The following RPS2 variants were observed in gnomAD, a reference collection of about 807,000 sequenced individuals.
The protein encoded by RPS2 is small ribosomal subunit protein uS5.
Under a neutral mutation model 25.3 loss-of-function variants are expected in RPS2, and 8 were observed. The observed-to-expected ratio is 0.32, with a 90% CI of 0.19 to 0.57. The LOEUF is 0.57. Ranked by LOEUF, RPS2 falls within the 20% of genes least tolerant of loss-of-function variation. RPS2 has a pLI of 0.90. For missense variants in RPS2, 229 were observed against 408.1 expected (o/e 0.56, Z 3.78); for synonymous variants, 181 against 161.3 (o/e 1.12, Z -0.92).
intron 3 of RPS2, 41 bp from the exon 4 acceptor site, chr16:1,963,297 A>C (rs1324230152): frequency 7.5e-7 from 1 of 1,331,030 alleles, no homozygotes; most frequent in East Asian, 2.5e-5. Context: ...CATTAAAAAA[A>C]AACTTAATAC....
chr16:1,964,636 A>G lies in RPS2; in HGVS notation c.-3-8T>C. 7.2e-7 allele frequency: 1 copy of G among 1,382,026 alleles called. No individual in the cohort carries two copies. The highest frequency in any genetic ancestry group is 1.4e-5 in the South Asian group (1 of 73,036). The allele number at this position is 1,382,026 out of a possible 1,614,324, so 85.6% of individuals were successfully genotyped here. A position where few individuals can be genotyped will look rare whatever the true frequency, so the allele number is the denominator to read the frequency against. The stretch of plus-strand genomic sequence containing the variant: ...GGCGTCATCCGCCATTTGCTGGGAA[A>G]AGCGACAAGAAGGAACTAGTCAGTG... On this transcript the variant is annotated splice_polypyrimidine_tract_variant and splice_region_variant and intron_variant, in intron 1 of 6. Transcript: ENST00000343262.
At chr16:1,962,957 C>T in intron 4 of RPS2, 48 bp from the exon 5 acceptor site, 1 of 1,584,224 alleles carries the variant, frequency 6.3e-7, no homozygotes, top group African/African-American at 1.3e-5. Flanking sequence ...CACCCAATCA[C>T]TGCCCACCGC....
In RPS2 at chr16:1,962,916, A is replaced by C; in HGVS notation, c.376-7T>G. The stretch of plus-strand genomic sequence containing the variant: ...CCCCGATAGCAACAAATGCCTGCGA[A>C]AAGATGTGTGTGAGGCAGCTGGTGG... On this transcript the variant is annotated splice_region_variant and splice_polypyrimidine_tract_variant and intron_variant, in intron 4 of 6. Coordinates refer to ENST00000343262, the MANE Select transcript of RPS2 (RefSeq NM_002952.4). 6.3e-7 allele frequency: 1 copy of C among 1,598,494 alleles called. No individual in the cohort carries two copies. Among genetic ancestry groups the C allele is most frequent in the Non-Finnish European group, 8.5e-7 (1 of 1,177,720 alleles).
In RPS2 at chr16:1,962,624, G is replaced by C; in HGVS notation, c.582C>G (p.Arg194=). ...CAGTGCCCCTGGGTGCAGGGATGAGGCGTACCAGCACAGAGCCGCAGCGGC... is the reference window on the plus strand; with the variant it reads ...CAGTGCCCCTGGGTGCAGGGATGAGCCGTACCAGCACAGAGCCGCAGCGGC... The part of the protein sequence containing the change: ...VTGRCGSVLV[R]LIPAPRGTGI... Residue 194 remains arginine (R), a synonymous_variant, in exon 6 of 7, where the codon CGC becomes CGG. Coordinates refer to ENST00000343262, the MANE Select transcript of RPS2 (RefSeq NM_002952.4). The C allele has an allele frequency of 3.1e-6, 5 of 1,608,494 alleles. No homozygotes were observed. Among genetic ancestry groups the C allele is most frequent in the Non-Finnish European group, 4.2e-6 (5 of 1,178,582 alleles).
intron 1 of RPS2, 24 bp from the exon 2 acceptor site, chr16:1,964,652 C>A (rs779334095): frequency 2.4e-6 from 3 of 1,267,002 alleles, no homozygotes; most frequent in Non-Finnish European, 2.2e-6. Flanking sequence ...CAAGAAGGAA[C>A]TAGTCAGTGT....
At position 1,964,586 on chromosome 16, in the gene RPS2, G is replaced by A; in HGVS notation, c.40C>T (p.Pro14Ser). 4 of 1,544,690 alleles carry A rather than the reference G, an allele frequency of 2.6e-6. No homozygotes were observed. Among genetic ancestry groups the A allele is most frequent in the Non-Finnish European group, 3.5e-6 (4 of 1,152,544 alleles). The change falls in exon 2 of 7, where the codon CCT (proline) becomes TCT (serine). Residue 14 changes from proline to serine, a missense_variant. Physicochemically the swap from Pro to Ser is moderately conservative, Grantham distance 74. Around this residue, in one of 7 missense-constraint regions of RPS2, gnomAD observed 27 missense variants for 26.4 expected, o/e 1.02. Coordinates refer to ENST00000343262, the MANE Select transcript of RPS2 (RefSeq NM_002952.4). ...CGGTTCCCCATCCCAGGGCCACCAG[G>A]GCCCCCGGGCCCCCCCGCTGCACCG... ...DAGAAGGPGG[P>S]GGPGMGNRGG...
chr16:1,963,691 G>C (rs1202884575), intron 3 of RPS2: 1 of 396,808 alleles, frequency 2.5e-6, no homozygotes, highest in East Asian at 7.4e-5. Context: ...TTTCGTTTTT[G>C]GAAGCTTGTA....
chr16:1,962,966 G>C (rs765283895), intron 4 of RPS2, 57 bp from the exon 5 acceptor site: 20 of 1,566,414 alleles, frequency 1.3e-5, no homozygotes, highest in Admixed American at 1.7e-5. Context: ...ACTGCCCACC[G>C]CCCAGGGCCT....
Position 1,962,283 on chromosome 16 carries a change from A to G in RPS2, c.710-13T>C. On this transcript the variant is annotated splice_polypyrimidine_tract_variant and intron_variant, in intron 6 of 6. Coordinates refer to ENST00000343262, the MANE Select transcript of RPS2 (RefSeq NM_002952.4). ...AAGGTGGCCTTGGCTGCAAAACAAA[A>G]GAACCCCAGGAGGGTCAGTGGTGTG... 6.2e-7 allele frequency: 1 copy of G among 1,611,870 alleles called. No individual in the cohort carries two copies.
chr16:1,964,297 A>C lies in RPS2; in HGVS notation c.246T>G (p.Tyr82Ter). Reference sequence around the variant, plus strand: ...GTACCTTAATAGGCAGGGAGAAGAGATAGATCTCCTCCAGGGACTTGATCT... The same window carrying C: ...GTACCTTAATAGGCAGGGAGAAGAGCTAGATCTCCTCCAGGGACTTGATCT... Reference protein sequence around the residue: ...DMKIKSLEEIYLFSLPIKESE... With the variant: ...DMKIKSLEEI The change falls in exon 3 of 7, where the codon TAT becomes TAG. Residue 82 changes from tyrosine to a stop codon, truncating the protein, a stop_gained. Transcript: ENST00000343262. LOFTEE classifies it high-confidence loss of function. The C allele has an allele frequency of 6.2e-7, 1 of 1,612,506 alleles. No individual in the cohort carries two copies.
intron 4 of RPS2, 70 bp downstream of exon 4, chr16:1,963,079 A>C: frequency 7.1e-7 from 1 of 1,402,834 alleles, no homozygotes; most frequent in East Asian, 2.3e-5. Context: ...GGGTGAAGCC[A>C]AGTGCAACTA....
chr16:1,963,331 G>T, intron 3 of RPS2, 75 bp from the exon 4 acceptor site: 1 of 975,626 alleles, frequency 1.0e-6, no homozygotes, highest in Non-Finnish European at 1.5e-6. Flanking sequence ...AAGAACCAAA[G>T]TCACGGCCGG....
At position 1,962,222 on chromosome 16, in the gene RPS2, G is replaced by T. The variant is rs1466154917; in HGVS notation, c.758C>A (p.Pro253His). 6.2e-7 allele frequency: 1 copy of T among 1,610,840 alleles called. No homozygotes were observed. Among genetic ancestry groups the T allele is most frequent in the Non-Finnish European group, 8.5e-7 (1 of 1,179,418 alleles). Reference protein sequence around the residue: ...AISKTYSYLTPDLWKETVFTK... With the variant: ...AISKTYSYLTHDLWKETVFTK... ...GAATACAGTCTCCTTCCAGAGGTCGGGGGTCAGGTAGCTGTAGGTCTTAGA... is the reference window on the plus strand; with the variant it reads ...GAATACAGTCTCCTTCCAGAGGTCGTGGGTCAGGTAGCTGTAGGTCTTAGA... The change falls in exon 7 of 7, where the codon CCC (proline) becomes CAC (histidine). Residue 253 changes from proline to histidine, a missense_variant. Physicochemically the swap from Pro to His is moderately conservative, Grantham distance 77 (BLOSUM62 -2). Transcript: ENST00000343262.
chr16:1,963,053 G>A (rs531724813), intron 4 of RPS2, 96 bp downstream of exon 4: 211 of 1,366,192 alleles, frequency 1.5e-4, no homozygotes, highest in Non-Finnish European at 2.1e-4. Context: ...CTCTCTCCCC[G>A]TTACGAAAGT....
chr16:1,963,676 C>T (rs2083279328), intron 3 of RPS2: 1 of 394,790 alleles, frequency 2.5e-6, no homozygotes, highest in Admixed American at 2.9e-5. Context: ...GATCTGTCCC[C>T]TTCGTTTCGT....
At position 1,962,873 on chromosome 16, in the gene RPS2, C is replaced by T. The variant is rs1353635350; in HGVS notation, c.412G>A (p.Gly138Ser). Residue 138 changes from glycine to serine, a missense_variant, in exon 5 of 7, where the codon GGT (glycine) becomes AGT (serine). Around this residue, in one of 7 missense-constraint regions of RPS2, gnomAD observed 15 missense variants for 18.4 expected, o/e 0.81. Transcript: ENST00000343262. ...TCCTTGGAGCACTTAACACCCAGACCGACGTGGCCATTGTAGTCCCCGATA... is the reference window on the plus strand; with the variant it reads ...TCCTTGGAGCACTTAACACCCAGACTGACGTGGCCATTGTAGTCCCCGATA... ...VAIGDYNGHVGLGVKCSKEVA... is the reference protein window; with the variant it reads ...VAIGDYNGHVSLGVKCSKEVA... 8.1e-6 allele frequency: 13 copies of T among 1,602,984 alleles called. No homozygotes were observed. The highest frequency in any genetic ancestry group is 1.1e-5 in the Non-Finnish European group (13 of 1,179,776).
Position 1,962,594 on chromosome 16 carries a change from G to A in RPS2, c.612C>T (p.Ile204=), listed in dbSNP as rs138203888. The part of the protein sequence containing the change: ...RLIPAPRGTG[I]VSAPVPKKLL... ...GCTTCTTAGGCACAGGTGCGGAGAC[G>A]ATGCCAGTGCCCCTGGGTGCAGGGA... Residue 204 remains isoleucine, a synonymous_variant, in exon 6 of 7, where the codon ATC becomes ATT. Coordinates refer to ENST00000343262, the MANE Select transcript of RPS2 (RefSeq NM_002952.4). The A allele has an allele frequency of 4.3e-5, 70 of 1,610,868 alleles. No individual in the cohort carries two copies. In the African/African-American group the frequency reaches 4.5e-4, roughly 10 times the overall value.
chr16:1,964,335 C>A lies in RPS2; in HGVS notation c.208G>T (p.Val70Phe). 2 of 1,613,500 alleles carry A rather than the reference C, an allele frequency of 1.2e-6. No individual in the cohort carries two copies. The highest frequency in any genetic ancestry group is 1.7e-6 in the Non-Finnish European group (2 of 1,179,970). Residue 70 changes from valine (V) to phenylalanine (F), a missense_variant, in exon 3 of 7, where the codon GTC becomes TTC. Coordinates refer to ENST00000343262, the MANE Select transcript of RPS2 (RefSeq NM_002952.4). Reference protein sequence around the residue: ...WMPVTKLGRLVKDMKIKSLEE... With the variant: ...WMPVTKLGRLFKDMKIKSLEE... ...AGGGACTTGATCTTCATGTCCTTGA[C>A]CAAGCGGCCCAACTTGGTGACGGGC...
intron 3 of RPS2, chr16:1,964,036 G>C (rs981684872): frequency 5.6e-5 from 31 of 550,802 alleles, no homozygotes; most frequent in Non-Finnish European, 8.8e-5. Context: ...CTTTCGAAAT[G>C]AATTCGCTGC....
Sources: allele counts gnomAD v4.1 joint callset, GRCh38; gene constraint gnomAD v4.1.1; regional missense constraint gnomAD v4.1.1; transcripts MANE v1.5; gene names NCBI Gene and HGNC (gene_info 2026-07-23, HGNC 2026-07-21).